The following DIP2C variants were observed in gnomAD, a reference collection of about 807,000 sequenced individuals.
The protein encoded by DIP2C is DIP2 acetate--CoA ligase C (putative), also known as disco-interacting protein 2 homolog C.
DIP2C carries 33 observed loss-of-function variants against 192.4 expected under a neutral mutation model. That is an observed-to-expected ratio of 0.17 (90% CI 0.13 to 0.23). The LOEUF (loss-of-function observed/expected upper bound fraction) is 0.23, where lower values mean the gene tolerates loss of function less well. DIP2C is among the 10% of genes least tolerant of loss of function. The pLI, the probability that DIP2C is intolerant of heterozygous loss-of-function variation, is 1.00. For synonymous variants in DIP2C, 979 were observed against 864.1 expected (o/e 1.13, Z -2.33); for missense variants, 1,537 against 2,110.1 (o/e 0.73, Z 5.32).
At chr10:376,913 C>A (rs1961668647) in intron 17 of DIP2C, among the ~76,000 whole-genome samples, 1 of 152,176 alleles carries the variant, frequency 6.6e-6, no homozygotes, top group Non-Finnish European at 1.5e-5. Flanking sequence ...TTTAGCGTGA[C>A]ACAGACTTTC....
intron 3 of DIP2C, among the ~76,000 whole-genome samples, chr10:470,457 T>C (rs1970539807): frequency 6.6e-6 from 1 of 152,142 alleles, no homozygotes; most frequent in Non-Finnish European, 1.5e-5. Context: ...CTTCCTGCCT[T>C]TGAAGAGGTG....
intron 1 of DIP2C, among the ~76,000 whole-genome samples, chr10:490,007 G>A (rs1476269515): frequency 3.6e-5 from 2 of 55,304 alleles, no homozygotes; most frequent in African/African-American, 1.0e-4. Context: ...GGCTCTGACG[G>A]TGCCTGGGGC....
chr10:581,411 A>G (rs1415763746), intron 1 of DIP2C, among the ~76,000 whole-genome samples: 2 of 152,220 alleles, frequency 1.3e-5, no homozygotes, highest in East Asian at 3.8e-4. Flanking sequence ...AAGGGAATTT[A>G]CTTAACATGT....
At position 548,911 on chromosome 10, in the gene DIP2C, C is replaced by CAAAA. The variant is rs61437915; in HGVS notation, c.86-62385_86-62382dup. 5.4e-3 allele frequency among the ~76,000 whole-genome samples: 143 copies of CAAAA among 26,442 alleles called. 12 individuals carry two copies. The highest frequency in any genetic ancestry group is 7.0e-3 in the South Asian group (3 of 428). The allele number at this position is 26,442 out of a possible 152,430, so 17.3% of individuals were successfully genotyped here. A position where few individuals can be genotyped will look rare whatever the true frequency, so the allele number is the denominator to read the frequency against. On this transcript the variant is annotated intron_variant, in intron 1 of 36. Coordinates refer to ENST00000280886, the MANE Select transcript of DIP2C (RefSeq NM_014974.3). ...CATTGCAGGAAAAAATAGCAGCTCACAAAAAAAAAAAAAAAAAAAAAAAAA... is the reference window on the plus strand; with the variant it reads ...CATTGCAGGAAAAAATAGCAGCTCACAAAAAAAAAAAAAAAAAAAAAAAAAAAAA...
chr10:345,295 G>A (rs559689169), intron 26 of DIP2C, 185 bp from the exon 27 acceptor site: 2 of 702,762 alleles, frequency 2.8e-6, no homozygotes, highest in Non-Finnish European at 2.6e-6. Flanking sequence ...GGAGGCACGG[G>A]GGCAGGGCAT....
intron 31 of DIP2C, among the ~76,000 whole-genome samples, chr10:315,213 C>T (rs1368878000): frequency 6.6e-6 from 1 of 152,202 alleles, no homozygotes; most frequent in African/African-American, 2.4e-5. Context: ...AACACCTCAG[C>T]TGTTCATATT....
Position 390,807 on chromosome 10 carries a change from G to A in DIP2C, c.1317C>T (p.Ala439=). Reference sequence around the variant, plus strand: ...CTTTATGGCAGGCGTCACTAGTCAAGGCTACAGTAACTCCACAGCTTCCAA... The same window carrying A: ...CTTTATGGCAGGCGTCACTAGTCAAAGCTACAGTAACTCCACAGCTTCCAA... ...FLLGSCGVTV[A]LTSDACHKGL... The change falls in exon 11 of 37, where the codon GCC becomes GCT. Residue 439 remains alanine (A), a synonymous_variant. Coordinates refer to ENST00000280886, the MANE Select transcript of DIP2C (RefSeq NM_014974.3). 6.2e-7 allele frequency: 1 copy of A among 1,614,140 alleles called. No individual in the cohort carries two copies. Among genetic ancestry groups the A allele is most frequent in the Non-Finnish European group, 8.5e-7 (1 of 1,180,032 alleles).
chr10:342,104 A>G (rs1958177530), intron 28 of DIP2C, among the ~76,000 whole-genome samples: 3 of 152,106 alleles, frequency 2.0e-5, no homozygotes, highest in Admixed American at 6.5e-5. Context: ...AGCTATTGAA[A>G]TAGTGCGTTT....
intron 4 of DIP2C, among the ~76,000 whole-genome samples, chr10:430,062 A>T (rs12268907): frequency 6.6e-6 from 1 of 152,060 alleles, no homozygotes; most frequent in Non-Finnish European, 1.5e-5. Context: ...TGTTGCTAGC[A>T]TTCTGGATTC....
chr10:310,769 C>G (rs1956534460), intron 31 of DIP2C, among the ~76,000 whole-genome samples: 1 of 152,154 alleles, frequency 6.6e-6, no homozygotes, highest in African/African-American at 2.4e-5. Context: ...TTACACCATG[C>G]TGACTTCTGA....
intron 14 of DIP2C, 102 bp downstream of exon 14, chr10:387,643 T>C (rs1439872399): frequency 4.5e-5 from 42 of 932,108 alleles, no homozygotes; most frequent in Non-Finnish European, 6.1e-5. Flanking sequence ...AGGGGACTCC[T>C]GTGTGGACAG....
intron 4 of DIP2C, among the ~76,000 whole-genome samples, chr10:432,834 A>C (rs969714300): frequency 6.6e-6 from 1 of 152,304 alleles, no homozygotes; most frequent in Admixed American, 6.5e-5. Flanking sequence ...AAATTTTAAA[A>C]AGTTTTCATT....
chr10:634,205 G>A (rs925508556), intron 1 of DIP2C, among the ~76,000 whole-genome samples: 2 of 152,212 alleles, frequency 1.3e-5, no homozygotes, highest in African/African-American at 2.4e-5. Flanking sequence ...CAGCGTCAAC[G>A]CTGTCCCCTA....
chr10:492,932 AAG>A (rs1243129660), intron 1 of DIP2C, among the ~76,000 whole-genome samples: 1 of 152,224 alleles, frequency 6.6e-6, no homozygotes, highest in African/African-American at 2.4e-5. Flanking sequence ...CTGATGTTAA[AAG>A]AGAATAATGT....
intron 22 of DIP2C, among the ~76,000 whole-genome samples, chr10:359,984 A>G (rs547453834): frequency 4.4e-4 from 67 of 152,204 alleles, no homozygotes; most frequent in Middle Eastern, 3.4e-3. Context: ...CTCTTCTAAG[A>G]AGTCAACTTG....
At chr10:352,702 C>T (rs1958882069) in intron 24 of DIP2C, among the ~76,000 whole-genome samples, 1 of 152,194 alleles carries the variant, frequency 6.6e-6, no homozygotes, top group Non-Finnish European at 1.5e-5. Flanking sequence ...CTGGGAGGGA[C>T]AGTCGCTCCT....
chr10:501,728 C>T (rs1324020840), intron 1 of DIP2C, among the ~76,000 whole-genome samples: 2 of 152,182 alleles, frequency 1.3e-5, no homozygotes, highest in Non-Finnish European at 2.9e-5. Flanking sequence ...GAATTCAACA[C>T]ATAGGCACCG....
intron 32 of DIP2C, among the ~76,000 whole-genome samples, chr10:309,560 C>A (rs373120939): frequency 5.1e-5 from 7 of 137,152 alleles, no homozygotes; most frequent in African/African-American, 1.9e-4. Flanking sequence ...AACAGAGTTT[C>A]TTTTTTTTTT....
intron 24 of DIP2C, among the ~76,000 whole-genome samples, chr10:352,079 C>T (rs997910750): frequency 6.6e-6 from 1 of 152,258 alleles, no homozygotes; most frequent in Non-Finnish European, 1.5e-5. Context: ...GGCCTGCCTG[C>T]AGCAGCAGTG....
Sources: gnomAD v4.1 joint callset for allele counts (sites outside exome capture counted in the v4.1 genomes callset) on GRCh38, gnomAD v4.1.1 for gene constraint, MANE v1.5 for transcripts, NCBI Gene and HGNC (gene_info 2026-07-23, HGNC 2026-07-21) for gene names.